IFT80: variants seen among roughly 807,000 people sequenced by gnomAD.
IFT80 encodes the protein intraflagellar transport 80.
In IFT80, 79 loss-of-function variants were observed where a neutral mutation model predicts 107.9. The observed-to-expected ratio is 0.73, with a 90% CI of 0.61 to 0.88. The LOEUF is 0.88. IFT80 is among the 40% of genes least tolerant of loss of function. The pLI is 0.00. For synonymous variants in IFT80, 299 were observed against 300.9 expected, an observed-to-expected ratio of 0.99 and a Z score of 0.07; for missense variants, 797 against 914.2, an observed-to-expected ratio of 0.87 and a Z score of 1.65.
chr3:160,375,500 G>C (rs1711943868), intron 5 of IFT80, among the ~76,000 whole-genome samples: 1 of 151,982 alleles, frequency 6.6e-6, no homozygotes, highest in Non-Finnish European at 1.5e-5. Flanking sequence ...TTCTATATAA[G>C]ATATGCTTCA....
intron 8 of IFT80, among the ~76,000 whole-genome samples, chr3:160,331,257 C>T (rs1303755710): frequency 2.0e-5 from 3 of 152,132 alleles, no homozygotes; most frequent in Admixed American, 6.6e-5. Flanking sequence ...AAGTAACTTA[C>T]GGGTGGGTAG....
intron 8 of IFT80, among the ~76,000 whole-genome samples, chr3:160,333,688 G>T (rs780844100): frequency 6.6e-6 from 1 of 152,086 alleles, no homozygotes; most frequent in Non-Finnish European, 1.5e-5. Flanking sequence ...GCAACAGCAT[G>T]CATGAAGCTG....
intron 2 of IFT80, among the ~76,000 whole-genome samples, chr3:160,383,285 T>C (rs1276578043): frequency 6.6e-6 from 1 of 152,208 alleles, no homozygotes. Context: ...GTAGACATGG[T>C]CAAAATCTAT....
chr3:160,300,971 A>G lies in IFT80; in HGVS notation c.1227T>C (p.Phe409=), dbSNP rs1716380367. The G allele has an allele frequency of 1.2e-6, 2 of 1,610,426 alleles. No individual in the cohort carries two copies. The highest frequency in any genetic ancestry group is 1.3e-5 in the African/African-American group (1 of 74,946). Residue 409 remains phenylalanine (F), a synonymous_variant, in exon 12 of 20, where the codon TTT becomes TTC. Coordinates refer to ENST00000326448, the MANE Select transcript of IFT80 (RefSeq NM_020800.3). ...TCAGAATATCTGTTCTCATTCCAGG[A>G]AATTTTGGAGATGAAATAAAGCGCC... The part of the protein sequence containing the change: ...YEGRFISSPK[F]PGMRTDILNA...
At chr3:160,281,333 CCCTCTGTCAGCAGGAAG>C (rs914777536) in intron 14 of IFT80, among the ~76,000 whole-genome samples, 11 of 152,182 alleles carry the variant, frequency 7.2e-5, no homozygotes, top group African/African-American at 2.4e-4. Context: ...CCACCATTGC[CCCTCTGTCAGCAGGAAG>C]CAGTTACAGA....
chr3:160,277,586 C>T lies in IFT80; in HGVS notation c.1921G>A (p.Gly641Ser). 6.2e-7 allele frequency: 1 copy of T among 1,611,288 alleles called. No homozygotes were observed. Among genetic ancestry groups the T allele is most frequent in the Admixed American group, 1.7e-5 (1 of 59,958 alleles). The change falls in exon 17 of 20, where the codon GGT becomes AGT. Residue 641 changes from glycine to serine, a missense_variant. Physicochemically the swap from Gly to Ser is moderately conservative, Grantham distance 56 (BLOSUM62 0). Coordinates refer to ENST00000326448, the MANE Select transcript of IFT80 (RefSeq NM_020800.3). ...TTAEIAYAAIGEIDKVQYINS... is the reference protein window; with the variant it reads ...TTAEIAYAAISEIDKVQYINS... ...TGTAAACATTAATTACTTACTTCAC[C>T]AATTGCTGCATAGGCTATTTCTGCA...
At chr3:160,307,820 C>T in intron 9 of IFT80, 39 bp from the exon 10 acceptor site, 1 of 1,043,996 alleles carries the variant, frequency 9.6e-7, no homozygotes, top group Non-Finnish European at 1.5e-6. Flanking sequence ...AACATTATAA[C>T]ATATCCAAAT....
intron 8 of IFT80, among the ~76,000 whole-genome samples, chr3:160,355,249 G>A (rs1720987631): frequency 6.6e-6 from 1 of 151,900 alleles, no homozygotes; most frequent in Non-Finnish European, 1.5e-5. Context: ...ATGCCCTTTG[G>A]TTATTTATTT....
chr3:160,340,483 C>T (rs1576834443), intron 8 of IFT80, among the ~76,000 whole-genome samples: 1 of 152,116 alleles, frequency 6.6e-6, no homozygotes, highest in Non-Finnish European at 1.5e-5. Context: ...CTGGAAGCTC[C>T]GGGAGAAGGA....
chr3:160,367,015 G>C (rs1721918011), intron 5 of IFT80, among the ~76,000 whole-genome samples: 1 of 152,034 alleles, frequency 6.6e-6, no homozygotes, highest in African/African-American at 2.4e-5. Flanking sequence ...AAATAAGTGA[G>C]AACATGCAAT....
intron 12 of IFT80, among the ~76,000 whole-genome samples, chr3:160,293,190 A>C (rs1019134671): frequency 6.6e-6 from 1 of 152,238 alleles, no homozygotes; most frequent in East Asian, 1.9e-4. Context: ...ATTATAGCTG[A>C]TACATGAAAA....
chr3:160,295,533 C>T (rs1044001472), intron 12 of IFT80, among the ~76,000 whole-genome samples: 3 of 151,676 alleles, frequency 2.0e-5, no homozygotes, highest in Admixed American at 6.6e-5. Context: ...CTTGAGCCCA[C>T]GATGTTGAGG....
At chr3:160,314,729 A>C (rs1388104861) in intron 9 of IFT80, among the ~76,000 whole-genome samples, 2 of 152,160 alleles carry the variant, frequency 1.3e-5, no homozygotes, top group African/African-American at 4.8e-5. Context: ...TGGGCTGTTA[A>C]AAAGTACAGC....
At chr3:160,294,887 G>A (rs1396889503) in intron 12 of IFT80, among the ~76,000 whole-genome samples, 1 of 152,126 alleles carries the variant, frequency 6.6e-6, no homozygotes, top group African/African-American at 2.4e-5. Flanking sequence ...CGCAAATAAG[G>A]TGCAGTCTGT....
At chr3:160,280,567 G>T in intron 15 of IFT80, 100 bp downstream of exon 15, 1 of 962,262 alleles carries the variant, frequency 1.0e-6, no homozygotes, top group Non-Finnish European at 1.6e-6. Flanking sequence ...TCTGACTGAT[G>T]TGTAAAACAC....
Position 160,311,814 on chromosome 3 carries a change from T to C in IFT80, c.958-4033A>G, listed in dbSNP as rs538972970. Reference sequence around the variant, plus strand: ...TGTTTTGAGATGGAGTCTCGCACTGTCTCCTGGGCTGGAGTGCAATGGCGT... The same window carrying C: ...TGTTTTGAGATGGAGTCTCGCACTGCCTCCTGGGCTGGAGTGCAATGGCGT... On this transcript the variant is annotated intron_variant, in intron 9 of 19. Coordinates refer to ENST00000326448, the MANE Select transcript of IFT80 (RefSeq NM_020800.3). 7.2e-5 allele frequency among the ~76,000 whole-genome samples: 11 copies of C among 152,274 alleles called. No individual in the cohort carries two copies. The South Asian group carries it at 1.2e-3, about 17-fold the overall frequency.
intron 5 of IFT80, among the ~76,000 whole-genome samples, chr3:160,369,401 A>G (rs1399487792): frequency 6.6e-6 from 1 of 151,938 alleles, no homozygotes; most frequent in Non-Finnish European, 1.5e-5. Flanking sequence ...AAAAACCTTG[A>G]TCTTTATTAT....
chr3:160,338,653 G>C (rs1719664819), intron 8 of IFT80, among the ~76,000 whole-genome samples: 1 of 150,902 alleles, frequency 6.6e-6, no homozygotes, highest in Non-Finnish European at 1.5e-5. Context: ...AAAGGGACCT[G>C]AAGGAGATGA....
intron 9 of IFT80, 39 bp from the exon 10 acceptor site, chr3:160,307,820 CAT>C: frequency 9.6e-7 from 1 of 1,043,996 alleles, no homozygotes. Flanking sequence ...AACATTATAA[CAT>C]ATCCAAATTT....
Sources: gnomAD v4.1 joint callset for allele counts (sites outside exome capture counted in the v4.1 genomes callset) on GRCh38, gnomAD v4.1.1 for gene constraint, MANE v1.5 for transcripts, NCBI Gene and HGNC (gene_info 2026-07-23, HGNC 2026-07-21) for gene names.